The following ZNRF2 variants were observed in gnomAD, a reference collection of about 807,000 sequenced individuals.
ZNRF2 encodes the protein zinc and ring finger 2, also known as E3 ubiquitin-protein ligase ZNRF2.
In ZNRF2, 16 loss-of-function variants were observed where a neutral mutation model predicts 20.4. That is an observed-to-expected ratio of 0.79 (90% CI 0.53 to 1.19). The LOEUF is 1.19. Among genes scored for constraint, ZNRF2 ranks in the 50% most tolerant of loss-of-function variants. The pLI, the probability that ZNRF2 is intolerant of heterozygous loss-of-function variation, is 0.00. For missense variants in ZNRF2, 363 were observed against 332.4 expected, an observed-to-expected ratio of 1.09 and a Z score of -0.72; for synonymous variants, 178 against 144.9, an observed-to-expected ratio of 1.23 and a Z score of -1.64.
At chr7:30,289,864 C>CGG (rs771040958) in intron 1 of ZNRF2, 2 of 534,388 alleles carry the variant, frequency 3.7e-6, no homozygotes, top group East Asian at 1.1e-4. Flanking sequence ...TGTCTTACTC[C>CGG]CTCAGGCACA....
intron 2 of ZNRF2, among the ~76,000 whole-genome samples, chr7:30,325,128 T>TG (rs34071870): frequency 3.6e-4 from 54 of 152,028 alleles, no homozygotes; most frequent in Admixed American, 4.6e-4. Context: ...GGAATAGACT[T>TG]GGGGGGGAAA....
intron 2 of ZNRF2, among the ~76,000 whole-genome samples, chr7:30,336,688 A>C (rs1438179664): frequency 6.6e-6 from 1 of 152,138 alleles, no homozygotes; most frequent in African/African-American, 2.4e-5. Context: ...TTAGGGGAGC[A>C]GGAAGATGTG....
At chr7:30,365,141 G>C (rs2127958956) in intron 4 of ZNRF2, among the ~76,000 whole-genome samples, 1 of 130,318 alleles carries the variant, frequency 7.7e-6, no homozygotes. Context: ...CCATAGAGCT[G>C]ATAAGCTTTT....
intron 2 of ZNRF2, among the ~76,000 whole-genome samples, chr7:30,340,164 T>G (rs1018680572): frequency 6.6e-6 from 1 of 152,192 alleles, no homozygotes; most frequent in Non-Finnish European, 1.5e-5. Context: ...ACGATGGGGT[T>G]TCTAAATATA....
At chr7:30,347,657 G>A (rs763584238) in intron 2 of ZNRF2, among the ~76,000 whole-genome samples, 1 of 152,154 alleles carries the variant, frequency 6.6e-6, no homozygotes, top group Non-Finnish European at 1.5e-5. Context: ...AGGCTGCAGT[G>A]AGCTGAGATT....
intron 2 of ZNRF2, among the ~76,000 whole-genome samples, chr7:30,330,633 C>G (rs1270186955): frequency 1.3e-5 from 2 of 152,062 alleles, no homozygotes; most frequent in Non-Finnish European, 2.9e-5. Flanking sequence ...AGTTGAGGTA[C>G]TATTATAAGT....
chr7:30,344,459 GTTACAT>G (rs1799846079), intron 2 of ZNRF2, among the ~76,000 whole-genome samples: 1 of 151,320 alleles, frequency 6.6e-6, no homozygotes, highest in South Asian at 2.1e-4. Flanking sequence ...AATTTTAGTT[GTTACAT>G]TACCTAATGT....
At chr7:30,290,363 A>G (rs1235491940) in intron 1 of ZNRF2, among the ~76,000 whole-genome samples, 2 of 152,208 alleles carry the variant, frequency 1.3e-5, no homozygotes, top group African/African-American at 2.4e-5. Flanking sequence ...CTGTGGGTCA[A>G]GAGGCTGGGC....
chr7:30,357,454 G>A (rs1800058595), intron 3 of ZNRF2, among the ~76,000 whole-genome samples: 2 of 152,146 alleles, frequency 1.3e-5, no homozygotes, highest in African/African-American at 4.8e-5. Flanking sequence ...TTTTTGGCAA[G>A]TACCTAGAGT....
chr7:30,318,805 T>G (rs1799416812), intron 1 of ZNRF2, among the ~76,000 whole-genome samples: 1 of 152,232 alleles, frequency 6.6e-6, no homozygotes, highest in Admixed American at 6.5e-5. Flanking sequence ...ATCTGGATTT[T>G]ATTATTAAAG....
intron 1 of ZNRF2, among the ~76,000 whole-genome samples, chr7:30,317,042 G>A (rs1367970348): frequency 3.3e-5 from 5 of 151,704 alleles, no homozygotes; most frequent in African/African-American, 1.2e-4. Flanking sequence ...ACCTTTGAAC[G>A]GAATTTGAAA....
chr7:30,364,269 G>T (rs190518565), intron 4 of ZNRF2, among the ~76,000 whole-genome samples: 1 of 152,298 alleles, frequency 6.6e-6, no homozygotes, highest in African/African-American at 2.4e-5. Context: ...CTACGCATGT[G>T]CATGTGAAAT....
intron 3 of ZNRF2, among the ~76,000 whole-genome samples, chr7:30,357,965 A>G (rs1218744623): frequency 6.6e-6 from 1 of 152,178 alleles, no homozygotes; most frequent in African/African-American, 2.4e-5. Context: ...CCAACTCAAC[A>G]ATAAGTATCT....
rs79829074 is a variant in ZNRF2, at chr7:30,348,618, C to G, written c.566-7110C>G. Among the ~76,000 whole-genome samples, 977 of 152,232 alleles carry G rather than the reference C, an allele frequency of 6.4e-3. 14 individuals carry two copies. The highest frequency in any genetic ancestry group is 0.022 in the African/African-American group (904 of 41,536). ...CCTGCTTTAATATACATCTGGCCACCCTGGGCCTTTATTTTCCCATGGCAT... is the reference window on the plus strand; with the variant it reads ...CCTGCTTTAATATACATCTGGCCACGCTGGGCCTTTATTTTCCCATGGCAT... On this transcript the variant is annotated intron_variant, in intron 2 of 4. Transcript: ENST00000323037.
At position 30,314,728 on chromosome 7, in the gene ZNRF2, A is replaced by G. The variant is rs746498277; in HGVS notation, c.470-8914A>G. The stretch of plus-strand genomic sequence containing the variant: ...CAATTTTTTCACTTGTTATGGGGGA[A>G]TTATTAAATCTCAAGTACTTTATCG... On this transcript the variant is annotated intron_variant, in intron 1 of 4. Coordinates refer to ENST00000323037, the MANE Select transcript of ZNRF2 (RefSeq NM_147128.4). Among the ~76,000 whole-genome samples the G allele has an allele frequency of 2.7e-4, 41 of 151,982 alleles. 1 individual carries two copies. Among genetic ancestry groups the G allele is most frequent in the Admixed American group, 2.2e-3 (33 of 15,258 alleles).
At chr7:30,342,978 A>G (rs1163601765) in intron 2 of ZNRF2, among the ~76,000 whole-genome samples, 5 of 151,966 alleles carry the variant, frequency 3.3e-5, no homozygotes, top group African/African-American at 1.2e-4. Context: ...TATATTTTCA[A>G]AATTTATTAC....
chr7:30,355,535 A>T (rs751122878), intron 2 of ZNRF2, among the ~76,000 whole-genome samples, 193 bp from the exon 3 acceptor site: 14 of 152,156 alleles, frequency 9.2e-5, no homozygotes, highest in Non-Finnish European at 1.6e-4. Context: ...GAGACAATGG[A>T]AGTAAAGGTA....
intron 1 of ZNRF2, among the ~76,000 whole-genome samples, chr7:30,311,278 A>C (rs1222998146): frequency 6.6e-6 from 1 of 152,156 alleles, no homozygotes; most frequent in Non-Finnish European, 1.5e-5. Flanking sequence ...TTTCTTTACG[A>C]GTAACTTTTA....
chr7:30,313,257 A>G (rs1418164905), intron 1 of ZNRF2, among the ~76,000 whole-genome samples: 9 of 152,204 alleles, frequency 5.9e-5, no homozygotes, highest in Non-Finnish European at 1.3e-4. Context: ...AACAGTAGCC[A>G]TAGAGGCTAG....
Sources: allele counts gnomAD v4.1 joint callset (sites outside exome capture counted in the v4.1 genomes callset), GRCh38; gene constraint gnomAD v4.1.1; transcripts MANE v1.5; gene names NCBI Gene and HGNC (gene_info 2026-07-23, HGNC 2026-07-21).